Variants in TAFA1 observed in about 807,000 individuals in gnomAD.
TAFA1 encodes chemokine-like protein TAFA-1.
In TAFA1, 4 loss-of-function variants were observed where a neutral mutation model predicts 18.5. That is an observed-to-expected ratio of 0.22 (90% CI 0.11 to 0.49). TAFA1 has a LOEUF of 0.49. Ranked by LOEUF, TAFA1 falls within the 20% of genes least tolerant of loss-of-function variation. TAFA1 has a pLI of 0.98. For missense variants in TAFA1, 147 were observed against 169.0 expected, an observed-to-expected ratio of 0.87 and a Z score of 0.72; for synonymous variants, 56 against 55.2, an observed-to-expected ratio of 1.01 and a Z score of -0.06.
intron 2 of TAFA1, among the ~76,000 whole-genome samples, chr3:68,033,217 G>A (rs866669806): frequency 3.9e-5 from 6 of 152,026 alleles, no homozygotes; most frequent in Non-Finnish European, 4.4e-5. Flanking sequence ...GTGAGCACTC[G>A]TATTTTTCTG....
intron 2 of TAFA1, among the ~76,000 whole-genome samples, chr3:68,305,657 G>A (rs1183459589): frequency 6.6e-6 from 1 of 151,466 alleles, no homozygotes; most frequent in Non-Finnish European, 1.5e-5. Context: ...TCTCCAGTGG[G>A]GTGGGGGTCA....
chr3:68,497,733 G>T (rs1014689923), intron 3 of TAFA1, among the ~76,000 whole-genome samples: 1 of 152,176 alleles, frequency 6.6e-6, no homozygotes, highest in African/African-American at 2.4e-5. Context: ...ATCCTATTTG[G>T]ATATATAATA....
intron 2 of TAFA1, among the ~76,000 whole-genome samples, chr3:68,220,289 C>G (rs2066713514): frequency 6.6e-6 from 1 of 152,026 alleles, no homozygotes; most frequent in African/African-American, 2.4e-5. Context: ...CTGAATGAAG[C>G]CAGTTCTAAA....
intron 2 of TAFA1, among the ~76,000 whole-genome samples, chr3:68,206,415 G>A (rs2066526806): frequency 6.6e-6 from 1 of 151,620 alleles, no homozygotes; most frequent in Non-Finnish European, 1.5e-5. Context: ...ATAAAATATT[G>A]TCACCTACAT....
chr3:68,512,680 TTTTGTTTGTTTG>T (rs60422556), intron 3 of TAFA1, among the ~76,000 whole-genome samples: 21,067 of 150,782 alleles, frequency 0.14, 1,803 homozygotes, highest in Non-Finnish European at 0.19. Context: ...TTTGCTGGTT[TTTTGTTTGTTTG>T]TTTGTTTGTT....
chr3:68,081,313 C>G lies in TAFA1; in HGVS notation c.118+74569C>G, dbSNP rs1174263618. The stretch of plus-strand genomic sequence containing the variant: ...CGTCTGAAGCCTTCTTCTCTCAGCT[C>G]GTCAAAGTCATTCTCCATCCAGCTT... On this transcript the variant is annotated intron_variant, in intron 2 of 4. Transcript: ENST00000478136. Among the ~76,000 whole-genome samples, 3 of 152,040 alleles carry G rather than the reference C, an allele frequency of 2.0e-5. No homozygotes were observed. The South Asian group carries it at 6.2e-4, about 32-fold the overall frequency.
chr3:68,164,038 G>A (rs978955743), intron 2 of TAFA1, among the ~76,000 whole-genome samples: 1 of 152,168 alleles, frequency 6.6e-6, no homozygotes, highest in African/African-American at 2.4e-5. Flanking sequence ...CTGACCACTG[G>A]CAAAATGCTT....
intron 2 of TAFA1, chr3:68,145,277 A>G (rs2065724662): frequency 2.5e-6 from 2 of 788,988 alleles, no homozygotes; most frequent in Admixed American, 3.4e-5. Context: ...GATCTATACA[A>G]CCATCAACGC....
rs1229755312 is a variant in TAFA1, at chr3:68,486,112, A to ATTTTG, written c.260-52640_260-52639insGTTTT. On this transcript the variant is annotated intron_variant, in intron 3 of 4. Transcript: ENST00000478136. The stretch of plus-strand genomic sequence containing the variant: ...ATTTTATTTTATTTTGTTTTATTTT[A>ATTTTG]TTTTATTTTATTTTATTTTATTTTA... 1.9e-3 allele frequency among the ~76,000 whole-genome samples: 244 copies of ATTTTG among 126,120 alleles called. 1 individual carries two copies. Among genetic ancestry groups the ATTTTG allele is most frequent in the African/African-American group, 6.5e-3 (214 of 33,150 alleles). 82.7% of individuals were successfully genotyped at this position (126,120 alleles called of 152,430 possible). A position where few individuals can be genotyped will look rare whatever the true frequency, so the allele number is the denominator to read the frequency against.
At chr3:68,422,832 C>A (rs919498763) in intron 3 of TAFA1, among the ~76,000 whole-genome samples, 2 of 151,962 alleles carry the variant, frequency 1.3e-5, no homozygotes. Context: ...AGTCATTATA[C>A]CCTAATTAGT....
intron 2 of TAFA1, among the ~76,000 whole-genome samples, chr3:68,180,864 T>C (rs1020698617): frequency 6.6e-6 from 1 of 152,192 alleles, no homozygotes; most frequent in African/African-American, 2.4e-5. Context: ...GACTTTATTC[T>C]GGAAAAAACA....
chr3:68,367,916 G>A (rs2069603885), intron 2 of TAFA1, among the ~76,000 whole-genome samples: 1 of 152,134 alleles, frequency 6.6e-6, no homozygotes, highest in Non-Finnish European at 1.5e-5. Context: ...TGTAACTAAT[G>A]TTCAACATTA....
intron 2 of TAFA1, among the ~76,000 whole-genome samples, chr3:68,379,924 A>AT (rs2069900802): frequency 3.9e-5 from 5 of 129,828 alleles, no homozygotes; most frequent in African/African-American, 1.5e-4. Context: ...CCTTCCCCCC[A>AT]CCCCACAACA....
At chr3:68,081,416 G>C (rs914912715) in intron 2 of TAFA1, among the ~76,000 whole-genome samples, 22 of 151,884 alleles carry the variant, frequency 1.4e-4, no homozygotes, top group Non-Finnish European at 5.9e-5. Context: ...CAGTTTTTCT[G>C]TTCTGTTTGT....
chr3:68,228,529 G>C (rs1019424900), intron 2 of TAFA1, among the ~76,000 whole-genome samples: 1 of 152,310 alleles, frequency 6.6e-6, no homozygotes, highest in Middle Eastern at 3.4e-3. Flanking sequence ...CCATCTGGCT[G>C]TGTACTTTTA....
chr3:68,181,440 C>T (rs936399317), intron 2 of TAFA1, among the ~76,000 whole-genome samples: 17 of 151,368 alleles, frequency 1.1e-4, no homozygotes, highest in Admixed American at 3.9e-4. Context: ...TTTTCTGTTC[C>T]AGTGAATATA....
chr3:68,352,626 T>C (rs2069289977), intron 2 of TAFA1, among the ~76,000 whole-genome samples: 1 of 152,102 alleles, frequency 6.6e-6, no homozygotes, highest in Non-Finnish European at 1.5e-5. Context: ...TGCTGCTGCC[T>C]AGCTGTCTTT....
intron 2 of TAFA1, among the ~76,000 whole-genome samples, chr3:68,230,087 C>A (rs929639147): frequency 1.3e-5 from 2 of 152,066 alleles, no homozygotes; most frequent in African/African-American, 2.4e-5. Flanking sequence ...ATATCCATCA[C>A]CTCAAACATT....
chr3:68,278,095 G>C (rs1314481124), intron 2 of TAFA1, among the ~76,000 whole-genome samples: 1 of 152,144 alleles, frequency 6.6e-6, no homozygotes, highest in African/African-American at 2.4e-5. Context: ...TGTGAAGCAT[G>C]TTTAAACATT....
Sources: allele counts gnomAD v4.1 joint callset (sites outside exome capture counted in the v4.1 genomes callset), GRCh38; gene constraint gnomAD v4.1.1; transcripts MANE v1.5; gene names NCBI Gene and HGNC (gene_info 2026-07-23, HGNC 2026-07-21).